The following ZNF385D variants were observed in gnomAD, a reference collection of about 807,000 sequenced individuals.
The protein encoded by ZNF385D is zinc finger protein 659.
ZNF385D carries 15 observed loss-of-function variants against 35.8 expected under a neutral mutation model. The ratio of observed to expected loss-of-function variants is 0.42; its 90% CI spans 0.28 to 0.64. The LOEUF is 0.64. ZNF385D is among the 30% of genes least tolerant of loss of function. ZNF385D has a pLI of 0.23. For synonymous variants in ZNF385D, 212 were observed against 186.8 expected, an observed-to-expected ratio of 1.13 and a Z score of -1.10; for missense variants, 474 against 494.6, an observed-to-expected ratio of 0.96 and a Z score of 0.39.
At chr3:21,983,115 G>C (rs1694588281) in intron 3 of ZNF385D, among the ~76,000 whole-genome samples, 1 of 120,530 alleles carries the variant, frequency 8.3e-6, no homozygotes, top group African/African-American at 2.6e-5. Flanking sequence ...AGAATGAATT[G>C]GGGAGGAGTC....
chr3:22,263,168 G>A (rs1700722082), intron 2 of ZNF385D, among the ~76,000 whole-genome samples: 2 of 151,852 alleles, frequency 1.3e-5, no homozygotes, highest in African/African-American at 2.4e-5. Context: ...GTACCAACCA[G>A]ATTAAAAATA....
intron 4 of ZNF385D, among the ~76,000 whole-genome samples, chr3:21,454,749 C>A (rs1323049704): frequency 1.3e-5 from 2 of 152,068 alleles, no homozygotes; most frequent in Non-Finnish European, 2.9e-5. Flanking sequence ...GGAAGTCAGG[C>A]AGGAGAAAGA....
chr3:21,781,495 T>C (rs1478607737), intron 3 of ZNF385D, among the ~76,000 whole-genome samples: 4 of 152,110 alleles, frequency 2.6e-5, no homozygotes, highest in African/African-American at 9.7e-5. Context: ...TGAGTTCTCA[T>C]ACCATGTGTC....
At chr3:21,877,843 A>G (rs1226066452) in intron 3 of ZNF385D, 1 of 151,986 alleles carries the variant, frequency 6.6e-6, no homozygotes, top group Non-Finnish European at 1.5e-5. Flanking sequence ...AATCTATTTT[A>G]TGGTTTTCCA....
intron 3 of ZNF385D, among the ~76,000 whole-genome samples, chr3:21,563,912 A>G (rs534106944): frequency 1.3e-5 from 2 of 152,224 alleles, no homozygotes; most frequent in South Asian, 2.1e-4. Context: ...TGATGGATCC[A>G]GAGTCCACCC....
intron 1 of ZNF385D, among the ~76,000 whole-genome samples, chr3:21,682,074 AAG>A (rs2066928914): frequency 6.6e-6 from 1 of 152,166 alleles, no homozygotes; most frequent in South Asian, 2.1e-4. Flanking sequence ...TGGAGGAAAA[AAG>A]AGTAATGTAA....
intron 3 of ZNF385D, among the ~76,000 whole-genome samples, chr3:22,095,813 T>G (rs1168421168): frequency 6.8e-6 from 1 of 146,828 alleles, no homozygotes; most frequent in Non-Finnish European, 1.5e-5. Context: ...AAATCAATTT[T>G]TTAAAATTAA....
At chr3:22,203,761 G>GAGAAA (rs930611270) in intron 2 of ZNF385D, among the ~76,000 whole-genome samples, 1 of 152,122 alleles carries the variant, frequency 6.6e-6, no homozygotes, top group African/African-American at 2.4e-5. Flanking sequence ...GGAAAGGAAA[G>GAGAAA]AGAAAAGAAA....
rs1333927862 is a variant in ZNF385D, at chr3:21,413,147, A to G, written c.*8067T>C. The G allele has an allele frequency of 6.6e-6, 1 of 152,114 alleles. No homozygotes were observed. Among genetic ancestry groups the G allele is most frequent in the East Asian group, 1.9e-4 (1 of 5,196 alleles). 9.4% of individuals were successfully genotyped at this position (152,114 alleles called of 1,614,324 possible). ...AGAATCATCATTCAACTATCATAAT[A>G]TAAAACACAATAAAATCCTATCTCA... On this transcript the variant is annotated 3_prime_UTR_variant, in exon 8 of 8. Transcript: ENST00000281523.
chr3:21,668,126 C>T (rs2066461268), intron 1 of ZNF385D, among the ~76,000 whole-genome samples: 1 of 152,156 alleles, frequency 6.6e-6, no homozygotes, highest in South Asian at 2.1e-4. Flanking sequence ...CCCCCTTCGG[C>T]ACCAAGGCAC....
chr3:21,791,585 C>T lies in ZNF385D; in HGVS notation c.326-126557G>A, dbSNP rs562926172. Among the ~76,000 whole-genome samples, 20 of 152,294 alleles carry T rather than the reference C, an allele frequency of 1.3e-4. No homozygotes were observed. The South Asian group carries it at 3.9e-3, about 30-fold the overall frequency. ...CCAGTGCTTAGAGACTTGAGTTCCC[C>T]AGTGAACATTTTACAAAACATTAGC... On this transcript the variant is annotated intron_variant, in intron 3 of 5. Transcript: ENST00000494108.
At chr3:21,756,429 G>C (rs1251052027) in intron 3 of ZNF385D, among the ~76,000 whole-genome samples, 1 of 152,014 alleles carries the variant, frequency 6.6e-6, no homozygotes, top group Non-Finnish European at 1.5e-5. Flanking sequence ...TCAGTGTAGG[G>C]GCATGTCTGG....
At chr3:21,959,664 C>A (rs73048110) in intron 3 of ZNF385D, among the ~76,000 whole-genome samples, 1 of 152,104 alleles carries the variant, frequency 6.6e-6, no homozygotes, top group Non-Finnish European at 1.5e-5. Context: ...TGGGGCTAGC[C>A]CCATGGGTGG....
intron 3 of ZNF385D, among the ~76,000 whole-genome samples, chr3:21,521,438 A>T (rs950300939): frequency 6.6e-6 from 1 of 152,212 alleles, no homozygotes; most frequent in African/African-American, 2.4e-5. Flanking sequence ...AACAAGTCAG[A>T]CTAAAAAATT....
At position 21,510,904 on chromosome 3, in the gene ZNF385D, G is replaced by A. The variant is rs747135843; in HGVS notation, c.396C>T (p.Thr132=). ...TATTGATGGTATTGGTAGTGATGGA[G>A]GTGAAGGTAGTCTTTGCGCTGTCCT... ...TAKDSAKTTF[T]SITTNTINTS... Residue 132 remains threonine, a synonymous_variant, in exon 4 of 8, where the codon ACC becomes ACT. Coordinates refer to ENST00000281523, the MANE Select transcript of ZNF385D (RefSeq NM_024697.3). The A allele has an allele frequency of 5.6e-6, 9 of 1,614,106 alleles. No individual in the cohort carries two copies. The highest frequency in any genetic ancestry group is 7.6e-6 in the Non-Finnish European group (9 of 1,179,976).
chr3:22,178,970 C>A (rs1196320563), intron 2 of ZNF385D, among the ~76,000 whole-genome samples: 3 of 144,402 alleles, frequency 2.1e-5, no homozygotes, highest in Admixed American at 6.9e-5. Context: ...CAGTACCATG[C>A]TGTTTTGGTT....
intron 2 of ZNF385D, among the ~76,000 whole-genome samples, chr3:22,177,245 A>G (rs1330916849): frequency 6.6e-6 from 1 of 152,188 alleles, no homozygotes; most frequent in Non-Finnish European, 1.5e-5. Context: ...TTTTCTTGAA[A>G]ATGCACCAAA....
intron 3 of ZNF385D, among the ~76,000 whole-genome samples, chr3:21,953,465 A>T (rs1237601814): frequency 6.6e-6 from 1 of 152,076 alleles, no homozygotes; most frequent in Non-Finnish European, 1.5e-5. Flanking sequence ...GAACAAATAT[A>T]ATTTCAGCAA....
At position 21,519,265 on chromosome 3, in the gene ZNF385D, T is replaced by C. The variant is rs146295040; in HGVS notation, c.277-8242A>G. On this transcript the variant is annotated intron_variant, in intron 3 of 7. Transcript: ENST00000281523. ...CAAATTCTCAGATACATTTGGTAAC[T>C]AATTTTTAGAAGCAAAGAAAGTACT... is the stretch of plus-strand genomic sequence containing the variant. 3.7e-4 allele frequency among the ~76,000 whole-genome samples: 56 copies of C among 152,302 alleles called. 2 individuals carry two copies. The East Asian group carries it at 9.4e-3, about 26-fold the overall frequency.
Sources: gnomAD v4.1 joint callset for allele counts (sites outside exome capture counted in the v4.1 genomes callset) on GRCh38, gnomAD v4.1.1 for gene constraint, MANE v1.5 for transcripts, NCBI Gene and HGNC (gene_info 2026-07-23, HGNC 2026-07-21) for gene names.